The following RAD9B variants were observed in gnomAD, a reference collection of about 807,000 sequenced individuals.
RAD9B encodes cell cycle checkpoint control protein RAD9B.
A neutral mutation model predicts 48.3 loss-of-function variants in RAD9B; 41 were observed. The ratio of observed to expected loss-of-function variants is 0.85; its 90% CI spans 0.66 to 1.10. The LOEUF (loss-of-function observed/expected upper bound fraction) is 1.10. Ranked by LOEUF, RAD9B falls within the 50% of genes least tolerant of loss-of-function variation. The pLI, the probability that RAD9B is intolerant of heterozygous loss-of-function variation, is 0.00. For missense variants in RAD9B, 444 were observed against 485.1 expected (o/e 0.92, Z 0.80); for synonymous variants, 160 against 157.9 (o/e 1.01, Z -0.10).
At chr12:110,518,986 A>G in intron 8 of RAD9B, 48 bp downstream of exon 8, 1 of 1,242,188 alleles carries the variant, frequency 8.1e-7, no homozygotes, top group South Asian at 1.4e-5. Flanking sequence ...GTTTTATATC[A>G]ATAACAAAAC....
chr12:110,509,674 A>G (rs138642335), intron 4 of RAD9B, among the ~76,000 whole-genome samples: 205 of 152,324 alleles, frequency 1.3e-3, no homozygotes, highest in African/African-American at 4.4e-3. Flanking sequence ...AGTAGCAAGA[A>G]TAGAGCATTG....
chr12:110,518,316 T>TC (rs2063672584), intron 6 of RAD9B, among the ~76,000 whole-genome samples: 1 of 152,156 alleles, frequency 6.6e-6, no homozygotes, highest in African/African-American at 2.4e-5. Flanking sequence ...TGAGCTGTGA[T>TC]CATGCCACTG....
At chr12:110,511,271 C>T (rs752655017) in intron 4 of RAD9B, among the ~76,000 whole-genome samples, 2 of 152,112 alleles carry the variant, frequency 1.3e-5, no homozygotes, top group Non-Finnish European at 2.9e-5. Context: ...AAAGAAATAC[C>T]TACATCCCTG....
intron 9 of RAD9B, among the ~76,000 whole-genome samples, chr12:110,520,903 C>G (rs937631719): frequency 6.6e-6 from 1 of 151,956 alleles, no homozygotes; most frequent in Admixed American, 6.6e-5. Flanking sequence ...CCCGCCTCAG[C>G]CTCCCAAAGC....
In RAD9B at chr12:110,530,724, T is replaced by A. The variant is rs2064115294; in HGVS notation, c.*71T>A. 1.3e-6 allele frequency: 2 copies of A among 1,599,952 alleles called. No individual in the cohort carries two copies. Among genetic ancestry groups the A allele is most frequent in the African/African-American group, 2.7e-5 (2 of 74,384 alleles). On this transcript the variant is annotated 3_prime_UTR_variant, in exon 11 of 11. Transcript: ENST00000409300. ...TTTGCCCCTCAAGCACGAGTTTGCA[T>A]GTTTAGTGTCTAAAAGAGGTTGTCC...
In RAD9B at chr12:110,518,847, AGTTTTTTTCT is replaced by A; in HGVS notation, c.703-26_703-17del. Reference sequence around the variant, plus strand: ...ACTGTAAGTTTTTATAAGGATTTTAAGTTTTTTTCTTCTTTTCTTTTTTCAGGGAATACTG... The same window carrying A: ...ACTGTAAGTTTTTATAAGGATTTTAATCTTTTCTTTTTTCAGGGAATACTG... On this transcript the variant is annotated splice_polypyrimidine_tract_variant and intron_variant, in intron 7 of 10. Coordinates refer to ENST00000409300, the MANE Select transcript of RAD9B (RefSeq NM_001286535.2). 1 of 1,580,424 alleles carries A rather than the reference AGTTTTTTTCT, an allele frequency of 6.3e-7. No individual in the cohort carries two copies. Among genetic ancestry groups the A allele is most frequent in the Non-Finnish European group, 8.6e-7 (1 of 1,160,896 alleles).
At position 110,513,723 on chromosome 12, in the gene RAD9B, TA is replaced by T. The variant is rs1391975086; in HGVS notation, c.488+846del. 4.3e-4 allele frequency among the ~76,000 whole-genome samples: 63 copies of T among 146,622 alleles called. No homozygotes were observed. In the East Asian group the frequency reaches 4.9e-3, roughly 11 times the overall value. On this transcript the variant is annotated intron_variant, in intron 5 of 10. Transcript: ENST00000409300. ...TTATTATTATTATTATTATTATTAT[TA>T]TTATTATTATTATTTTTGAGACAGA...
chr12:110,529,228 C>G (rs2064046602), intron 10 of RAD9B, among the ~76,000 whole-genome samples: 2 of 152,156 alleles, frequency 1.3e-5, no homozygotes, highest in Non-Finnish European at 2.9e-5. Context: ...ACTGCAACCT[C>G]TGCCTCCCAG....
chr12:110,530,451 G>T, intron 10 of RAD9B, 74 bp from the exon 11 acceptor site: 1 of 1,383,554 alleles, frequency 7.2e-7, no homozygotes, highest in East Asian at 2.3e-5. Flanking sequence ...TTCTGAGGAG[G>T]GCTGTCACCT....
chr12:110,504,355 G>C (rs1350458539), intron 2 of RAD9B, among the ~76,000 whole-genome samples: 1 of 151,628 alleles, frequency 6.6e-6, no homozygotes, highest in Non-Finnish European at 1.5e-5. Context: ...TGTAATCCCA[G>C]CTACTCGGGA....
At chr12:110,507,553 TTA>T in intron 4 of RAD9B, among the ~76,000 whole-genome samples, 2 of 105,386 alleles carry the variant, frequency 1.9e-5, no homozygotes, top group African/African-American at 7.7e-5. Flanking sequence ...AATATATGTA[TTA>T]AATATATATG....
At chr12:110,529,312 T>G (rs1168568666) in intron 10 of RAD9B, among the ~76,000 whole-genome samples, 1 of 151,734 alleles carries the variant, frequency 6.6e-6, no homozygotes, top group Non-Finnish European at 1.5e-5. Flanking sequence ...CCCAGCTAAT[T>G]TTTTGTATTT....
chr12:110,502,564 A>C, intron 1 of RAD9B, 181 bp downstream of exon 1: 4 of 644,402 alleles, frequency 6.2e-6, no homozygotes, highest in Non-Finnish European at 1.1e-5. Flanking sequence ...ATGAGGACCC[A>C]TCTCGTGTGA....
At chr12:110,515,188 G>T in intron 6 of RAD9B, 32 bp downstream of exon 6, 1 of 1,106,288 alleles carries the variant, frequency 9.0e-7, no homozygotes, top group South Asian at 1.4e-5. Flanking sequence ...GTGTTTTGAT[G>T]GGTTATTACT....
chr12:110,505,413 A>G (rs952382188), intron 2 of RAD9B, among the ~76,000 whole-genome samples: 1 of 152,080 alleles, frequency 6.6e-6, no homozygotes, highest in Non-Finnish European at 1.5e-5. Flanking sequence ...GAATCAAGCT[A>G]TTATGTAAAG....
chr12:110,503,846 C>G lies in RAD9B; in HGVS notation c.87C>G (p.Asp29Glu), dbSNP rs80248684. 3 of 1,603,312 alleles carry G rather than the reference C, an allele frequency of 1.9e-6. No homozygotes were observed. Among genetic ancestry groups the G allele is most frequent in the Non-Finnish European group, 2.6e-6 (3 of 1,175,302 alleles). ...KAVQALSRIS[D>E]EFWLDPSKKG... Reference sequence around the variant, plus strand: ...TTCAAGCTCTATCACGAATTAGTGACGAGTTCTGGCTAGACCCATCTAAAA... The same window carrying G: ...TTCAAGCTCTATCACGAATTAGTGAGGAGTTCTGGCTAGACCCATCTAAAA... The change falls in exon 2 of 11, where the codon GAC (aspartate) becomes GAG (glutamate). Residue 29 changes from aspartate (D) to glutamate (E), a missense_variant. Asp to Glu is a conservative substitution (Grantham distance 45). Transcript: ENST00000409300.
At chr12:110,518,841 A>T in intron 7 of RAD9B, 33 bp from the exon 8 acceptor site, 1 of 1,582,302 alleles carries the variant, frequency 6.3e-7, no homozygotes. Context: ...TTTTATAAGG[A>T]TTTTAAGTTT....
intron 3 of RAD9B, 25 bp downstream of exon 3, chr12:110,505,797 C>T (rs759163562): frequency 1.3e-6 from 2 of 1,594,794 alleles, no homozygotes; most frequent in South Asian, 1.1e-5. Context: ...CCCTGGTTTT[C>T]TCTTATTCTG....
intron 2 of RAD9B, among the ~76,000 whole-genome samples, chr12:110,504,425 A>C (rs1019726476): frequency 6.7e-6 from 1 of 150,064 alleles, no homozygotes; most frequent in African/African-American, 2.5e-5. Flanking sequence ...GTGAGCCGAC[A>C]TGGTGCCACT....
Sources: gnomAD v4.1 joint callset for allele counts (sites outside exome capture counted in the v4.1 genomes callset) on GRCh38, gnomAD v4.1.1 for gene constraint, MANE v1.5 for transcripts, NCBI Gene and HGNC (gene_info 2026-07-23, HGNC 2026-07-21) for gene names.